TMC4: variants seen among roughly 807,000 people sequenced by gnomAD.
The protein encoded by TMC4 is transmembrane channel like 4.
A neutral mutation model predicts 82.0 loss-of-function variants in TMC4; 70 were observed. The observed-to-expected ratio is 0.85, with a 90% CI of 0.70 to 1.04. The LOEUF is 1.04. Ranked by LOEUF, TMC4 falls within the 50% of genes least tolerant of loss-of-function variation. TMC4 has a pLI of 0.00. For missense variants in TMC4, 879 were observed against 899.0 expected (o/e 0.98, Z 0.28); for synonymous variants, 446 against 406.0 (o/e 1.10, Z -1.18).
chr19:54,168,415 G>A (rs931644582), intron 4 of TMC4, 33 bp downstream of exon 4: 1 of 1,524,682 alleles, frequency 6.6e-7, no homozygotes, highest in African/African-American at 1.4e-5. Flanking sequence ...GTCACAGGTG[G>A]GCGGGGAATC....
chr19:54,168,707 A>G (rs1009583560), intron 3 of TMC4, 27 bp from the exon 4 acceptor site: 2 of 1,431,078 alleles, frequency 1.4e-6, no homozygotes, highest in African/African-American at 2.9e-5. Flanking sequence ...AGAGAGGCTC[A>G]GGTTCCTTCC....
intron 2 of TMC4, among the ~76,000 whole-genome samples, chr19:54,171,481 G>A (rs1414583922): frequency 6.6e-6 from 1 of 152,152 alleles, no homozygotes; most frequent in African/African-American, 2.4e-5. Flanking sequence ...CAGTGAGAAT[G>A]GGAAAAGAAA....
intron 3 of TMC4, among the ~76,000 whole-genome samples, chr19:54,168,969 T>TC (rs2075809930): frequency 1.0e-4 from 3 of 29,988 alleles, no homozygotes; most frequent in East Asian, 1.1e-3. Context: ...CCTTCCTTCT[T>TC]CTTTCTCTCT....
rs1182973382 is a variant in TMC4 at position 54,171,050 on chromosome 19, CATAT to C, written c.293+816_293+819del. On this transcript the variant is annotated intron_variant, in intron 2 of 14. Coordinates refer to ENST00000619895, the MANE Select transcript of TMC4 (RefSeq NM_144686.4). ...CATTGTTATTTTTTATTGTTTTTTCCATATATATACACATATATATACATATATA... is the reference window on the plus strand; with the variant it reads ...CATTGTTATTTTTTATTGTTTTTTCCATATACACATATATATACATATATA... 2.1e-4 allele frequency among the ~76,000 whole-genome samples: 25 copies of C among 120,662 alleles called. No individual in the cohort carries two copies. The East Asian group carries it at 6.2e-3, about 30-fold the overall frequency. The allele number at this position is 120,662 out of a possible 152,430, so 79.2% of individuals were successfully genotyped here. A position where few individuals can be genotyped will look rare whatever the true frequency, so the allele number is the denominator to read the frequency against.
chr19:54,163,631 C>G, intron 8 of TMC4, 93 bp downstream of exon 8: 3 of 1,440,630 alleles, frequency 2.1e-6, no homozygotes, highest in Non-Finnish European at 2.9e-6. Flanking sequence ...GATTCGGTAT[C>G]AGCAGGATTT....
rs545452340 is a variant in TMC4, at chr19:54,172,149, A to G, written c.80-66T>C. 9.3e-6 allele frequency: 13 copies of G among 1,403,168 alleles called. No homozygotes were observed. In the Admixed American group the frequency reaches 1.5e-4, roughly 16 times the overall value. 86.9% of individuals were successfully genotyped at this position (1,403,168 alleles called of 1,614,324 possible). On this transcript the variant is annotated intron_variant, in intron 1 of 14. Coordinates refer to ENST00000619895, the MANE Select transcript of TMC4 (RefSeq NM_144686.4). Reference sequence around the variant, plus strand: ...GCCCTAATTCCTCCTCCCTCAGACCAGGAAACCAGGTCCCCGGCCCCTCCT... The same window carrying G: ...GCCCTAATTCCTCCTCCCTCAGACCGGGAAACCAGGTCCCCGGCCCCTCCT...
In TMC4 at chr19:54,169,668, G is replaced by A; in HGVS notation, c.294-8C>T. ...CTGCTGGCATTTCTTTGCCTGGGAG[G>A]GAAACAGGCAGAAAATGAGGGGTTT... On this transcript the variant is annotated splice_region_variant and splice_polypyrimidine_tract_variant and intron_variant, in intron 2 of 14. Coordinates refer to ENST00000619895, the MANE Select transcript of TMC4 (RefSeq NM_144686.4). 1 of 1,612,736 alleles carries A rather than the reference G, an allele frequency of 6.2e-7. No homozygotes were observed. Among genetic ancestry groups the A allele is most frequent in the Non-Finnish European group, 8.5e-7 (1 of 1,179,654 alleles).
In TMC4 at chr19:54,163,163, A is replaced by C; in HGVS notation, c.1278-4T>G. The C allele has an allele frequency of 6.2e-7, 1 of 1,613,622 alleles. No individual in the cohort carries two copies. Among genetic ancestry groups the C allele is most frequent in the Non-Finnish European group, 8.5e-7 (1 of 1,179,974 alleles). On this transcript the variant is annotated splice_region_variant and splice_polypyrimidine_tract_variant and intron_variant, in intron 8 of 14. Transcript: ENST00000619895. ...GGCGAGGCGAAGAAACACGGTCCTGAAGGGGGGAAGGCAGAGAATGGGCCC... is the reference window on the plus strand; with the variant it reads ...GGCGAGGCGAAGAAACACGGTCCTGCAGGGGGGAAGGCAGAGAATGGGCCC...
intron 5 of TMC4, among the ~76,000 whole-genome samples, chr19:54,167,213 A>G (rs1361695776): frequency 6.6e-6 from 1 of 152,032 alleles, no homozygotes; most frequent in Non-Finnish European, 1.5e-5. Flanking sequence ...CCGGTGAGCT[A>G]TGATTGCACC....
chr19:54,161,995 C>T (rs1016522478), intron 11 of TMC4, 107 bp downstream of exon 11: 1 of 1,014,916 alleles, frequency 9.9e-7, no homozygotes, highest in Non-Finnish European at 1.4e-6. Context: ...CCCCTCCTCT[C>T]TCAGGACCGA....
intron 2 of TMC4, among the ~76,000 whole-genome samples, chr19:54,170,948 T>C (rs995498263): frequency 1.3e-5 from 2 of 152,032 alleles, no homozygotes; most frequent in Admixed American, 6.6e-5. Flanking sequence ...GGGGTCTCGC[T>C]ATGTTACTCA....
rs767998477 is a variant in TMC4, at chr19:54,162,169, C to A, written c.1619G>T (p.Ser540Ile). Residue 540 changes from serine (S) to isoleucine (I), a missense_variant, in exon 11 of 15, where the codon AGT becomes ATT. By Grantham distance (142) the Ser-to-Ile change is moderately radical. Coordinates refer to ENST00000619895, the MANE Select transcript of TMC4 (RefSeq NM_144686.4). Reference sequence around the variant, plus strand: ...CAGGGGCAGTAAAGGGCAGAAAAAACTCCCCACCCAGACCACCGTCTGCGC... The same window carrying A: ...CAGGGGCAGTAAAGGGCAGAAAAAAATCCCCACCCAGACCACCGTCTGCGC... Reference protein sequence around the residue: ...IYAQTVVWVGSFFCPLLPLLN... With the variant: ...IYAQTVVWVGIFFCPLLPLLN... The A allele has an allele frequency of 6.2e-7, 1 of 1,613,746 alleles. No individual in the cohort carries two copies. Among genetic ancestry groups the A allele is most frequent in the African/African-American group, 1.3e-5 (1 of 74,860 alleles).
chr19:54,164,349 C>T, intron 7 of TMC4, 85 bp downstream of exon 7: 2 of 1,472,246 alleles, frequency 1.4e-6, no homozygotes, highest in Non-Finnish European at 1.8e-6. Context: ...AGATCTCTGG[C>T]ATCCCAAACT....
chr19:54,170,822 T>C (rs996245873), intron 2 of TMC4, among the ~76,000 whole-genome samples: 1 of 151,918 alleles, frequency 6.6e-6, no homozygotes, highest in Non-Finnish European at 1.5e-5. Context: ...AAATCACCTC[T>C]AGATTACTTA....
intron 14 of TMC4, 31 bp from the exon 15 acceptor site, chr19:54,160,405 T>A: frequency 6.3e-7 from 1 of 1,582,424 alleles, no homozygotes; most frequent in Non-Finnish European, 8.6e-7. Context: ...GGTGAGACAA[T>A]CCTCTTCCCC....
chr19:54,171,256 C>G lies in TMC4; in HGVS notation c.293+614G>C, dbSNP rs543140795. 4.6e-5 allele frequency among the ~76,000 whole-genome samples: 7 copies of G among 152,112 alleles called. No individual in the cohort carries two copies. In the South Asian group the frequency reaches 1.5e-3, roughly 32 times the overall value. ...CCCGAGTAGCTGGGATTACAGGCAC[C>G]CGCCACCACACCCAGCTAATGTTTG... On this transcript the variant is annotated intron_variant, in intron 2 of 14. Transcript: ENST00000619895.
intron 8 of TMC4, 103 bp from the exon 9 acceptor site, chr19:54,163,262 A>G: frequency 7.2e-7 from 1 of 1,393,316 alleles, no homozygotes; most frequent in Non-Finnish European, 9.8e-7. Flanking sequence ...TCACAGATGA[A>G]GCTGAGGCCC....
At position 54,165,450 on chromosome 19, in the gene TMC4, AGCCGCACGT is replaced by A. The variant is rs1160277426; in HGVS notation, c.905_913del (p.His302_Arg304del). On this transcript the variant is annotated inframe_deletion, in exon 6 of 15. Transcript: ENST00000619895. ...TTCGTACAAGATGATGCGCTGGCGC[AGCCGCACGT>A]GGACGTCCCCGCAGAGACCGAAGTC... The A allele has an allele frequency of 2.5e-6, 4 of 1,609,988 alleles. No homozygotes were observed. Among genetic ancestry groups the A allele is most frequent in the Non-Finnish European group, 3.4e-6 (4 of 1,177,166 alleles).
At chr19:54,172,635 C>T in intron 1 of TMC4, 1 of 282,994 alleles carries the variant, frequency 3.5e-6, no homozygotes. Context: ...GCCCAGGAGT[C>T]CGGGTGCCAG....
Sources: allele counts gnomAD v4.1 joint callset (sites outside exome capture counted in the v4.1 genomes callset), GRCh38; gene constraint gnomAD v4.1.1; transcripts MANE v1.5; gene names NCBI Gene and HGNC (gene_info 2026-07-23, HGNC 2026-07-21).